Variants in CLTC observed in about 807,000 individuals in gnomAD.
The protein encoded by CLTC is clathrin heavy chain.
Under a neutral mutation model 195.8 loss-of-function variants are expected in CLTC, and 16 were observed. That is an observed-to-expected ratio of 0.08 (90% CI 0.06 to 0.12). The LOEUF is 0.12. CLTC is among the 10% of genes least tolerant of loss of function. The probability of loss-of-function intolerance (pLI) is 1.00; values close to 1 mark genes in which losing one functional copy is unlikely to be tolerated. For missense variants in CLTC, 796 were observed against 2,027.0 expected, an observed-to-expected ratio of 0.39 and a Z score of 11.66; for synonymous variants, 667 against 689.4, an observed-to-expected ratio of 0.97 and a Z score of 0.51.
chr17:59,692,747 C>T (rs1163401275), intron 31 of CLTC, among the ~76,000 whole-genome samples: 1 of 152,086 alleles, frequency 6.6e-6, no homozygotes, highest in Non-Finnish European at 1.5e-5. Flanking sequence ...AGTGATTCTC[C>T]TGCCTCAACC....
Position 59,677,065 on chromosome 17 carries a change from G to C in CLTC, c.2673G>C (p.Glu891Asp). 6.2e-7 allele frequency: 1 copy of C among 1,614,044 alleles called. No individual in the cohort carries two copies. Among genetic ancestry groups the C allele is most frequent in the Non-Finnish European group, 8.5e-7 (1 of 1,179,992 alleles). Reference sequence around the variant, plus strand: ...ACATAGACAGTAATAACAACCCGGAGAGATTTCTTCGTGAAAATCCCTACT... The same window carrying C: ...ACATAGACAGTAATAACAACCCGGACAGATTTCTTCGTGAAAATCCCTACT... ...KIYIDSNNNPERFLRENPYYD... is the reference protein window; with the variant it reads ...KIYIDSNNNPDRFLRENPYYD... Residue 891 changes from glutamate (E) to aspartate (D), a missense_variant, in exon 17 of 32, where the codon GAG (glutamate) becomes GAC (aspartate). Physicochemically the swap from Glu to Asp is conservative, Grantham distance 45. This residue lies in a region of CLTC where 160 missense variants were observed against 448.2 expected (regional missense o/e 0.36). Transcript: ENST00000269122.
rs1202272996 is a variant in CLTC, at chr17:59,674,641, T to A, written c.2419-60T>A. ...AAAGCGATAGAGATAAATGCTTTTTTAAAATTCCTCTTTGCTTTTAATAAC... is the reference window on the plus strand; with the variant it reads ...AAAGCGATAGAGATAAATGCTTTTTAAAAATTCCTCTTTGCTTTTAATAAC... On this transcript the variant is annotated intron_variant, in intron 15 of 31. Transcript: ENST00000269122. 5.5e-6 allele frequency: 8 copies of A among 1,463,986 alleles called. No individual in the cohort carries two copies. In the African/African-American group the frequency reaches 5.8e-5, roughly 11 times the overall value. The allele number at this position is 1,463,986 out of a possible 1,614,324, so 90.7% of individuals were successfully genotyped here.
chr17:59,634,127 T>G (rs1271714308), intron 1 of CLTC, among the ~76,000 whole-genome samples: 1 of 152,156 alleles, frequency 6.6e-6, no homozygotes, highest in African/African-American at 2.4e-5. Flanking sequence ...CAGGCTGGTC[T>G]TGAACACCTG....
At chr17:59,656,117 T>TA (rs2032459343) in intron 6 of CLTC, 90 bp downstream of exon 6, 11 of 1,186,230 alleles carry the variant, frequency 9.3e-6, no homozygotes, top group Middle Eastern at 3.9e-4. Flanking sequence ...CTCCCCAAGA[T>TA]TAAAAAATAG....
intron 2 of CLTC, among the ~76,000 whole-genome samples, chr17:59,647,034 C>T (rs1276953762): frequency 6.6e-6 from 1 of 152,168 alleles, no homozygotes; most frequent in Non-Finnish European, 1.5e-5. Context: ...TGTGTACATG[C>T]AACTAAGTTT....
rs748889015 is a variant in CLTC, at chr17:59,690,730, C to T, written c.4903+19C>T. On this transcript the variant is annotated intron_variant, in intron 31 of 31. Transcript: ENST00000269122. Reference sequence around the variant, plus strand: ...GTTTATGGTAATCTCTCTCTGTAACCTCAAAAAATTCATTAGACAAATATT... The same window carrying T: ...GTTTATGGTAATCTCTCTCTGTAACTTCAAAAAATTCATTAGACAAATATT... 2 of 1,569,772 alleles carry T rather than the reference C, an allele frequency of 1.3e-6. No homozygotes were observed. The highest frequency in any genetic ancestry group is 1.4e-5 in the African/African-American group (1 of 73,760).
chr17:59,664,117 G>A, intron 9 of CLTC, 123 bp downstream of exon 9: 2 of 843,186 alleles, frequency 2.4e-6, no homozygotes, highest in South Asian at 2.0e-5. Context: ...ACTTTGAAAT[G>A]TATAAAAATT....
Position 59,685,920 on chromosome 17 carries a change from G to A in CLTC, c.4827+112G>A, listed in dbSNP as rs903672338. On this transcript the variant is annotated intron_variant, in intron 30 of 31. Transcript: ENST00000269122. The surrounding 1 kb of genome is among the most constrained non-coding windows in gnomAD (Gnocchi z 5.0). ...TTTAGTAGAAGTAAGTCATTTAGTC[G>A]ATCATAAAATATTCCTGTTCTTTTG... 2.4e-6 allele frequency: 2 copies of A among 820,320 alleles called. No individual in the cohort carries two copies. The highest frequency in any genetic ancestry group is 3.7e-6 in the Non-Finnish European group (2 of 538,730). The allele number at this position is 820,320 out of a possible 1,614,324, so 50.8% of individuals were successfully genotyped here. A position where few individuals can be genotyped will look rare whatever the true frequency, so the allele number is the denominator to read the frequency against.
In CLTC at chr17:59,679,407, A is replaced by G. The variant is rs764669330; in HGVS notation, c.2807A>G (p.Glu936Gly). 1 of 1,603,200 alleles carries G rather than the reference A, an allele frequency of 6.2e-7. No individual in the cohort carries two copies. Among genetic ancestry groups the G allele is most frequent in the Non-Finnish European group, 8.5e-7 (1 of 1,174,310 alleles). Residue 936 changes from glutamate to glycine, a missense_variant, in exon 18 of 32, where the codon GAG becomes GGG. Glu to Gly is a moderately conservative substitution (Grantham distance 98, BLOSUM62 -2). Around this residue, in one of 9 missense-constraint regions of CLTC, gnomAD observed 160 missense variants for 448.2 expected, o/e 0.36. Coordinates refer to ENST00000269122, the MANE Select transcript of CLTC (RefSeq NM_004859.4). ...TCATATCTTCTTTAGGTTTGCAATG[A>G]GAATTCCCTCTTCAAAAGTCTTTCT... The part of the protein sequence containing the change: ...CDLELINVCN[E>G]NSLFKSLSRY...
intron 1 of CLTC, among the ~76,000 whole-genome samples, chr17:59,627,816 C>G (rs2031597643): frequency 6.6e-6 from 1 of 152,178 alleles, no homozygotes; most frequent in Admixed American, 6.5e-5. Context: ...TAGACTTTTT[C>G]TTACTGAAAA....
Position 59,693,892 on chromosome 17 carries a change from A to T in CLTC, c.*40A>T. On this transcript the variant is annotated 3_prime_UTR_variant, in exon 32 of 32. Transcript: ENST00000269122. ...CCTGTAGTCACCTATTTTCGTACTG[A>T]AACATCGTCTTTACCCACTTCTCAG... 1.3e-6 allele frequency: 2 copies of T among 1,561,836 alleles called. No individual in the cohort carries two copies. Among genetic ancestry groups the T allele is most frequent in the Non-Finnish European group, 1.7e-6 (2 of 1,152,598 alleles).
Position 59,694,092 on chromosome 17 carries a change from C to A in CLTC, c.*240C>A. On this transcript the variant is annotated 3_prime_UTR_variant, in exon 32 of 32. Coordinates refer to ENST00000269122, the MANE Select transcript of CLTC (RefSeq NM_004859.4). ...AGTTTCAATGTTTTATTCACTTGGG[C>A]TTTTTTTCTTCCCCCTCTTTCTTTA... The A allele has an allele frequency of 3.1e-6, 1 of 326,110 alleles. No homozygotes were observed. The highest frequency in any genetic ancestry group is 5.5e-6 in the Non-Finnish European group (1 of 181,568). 20.2% of individuals were successfully genotyped at this position (326,110 alleles called of 1,614,324 possible).
chr17:59,640,387 C>T (rs1402350906), intron 1 of CLTC, among the ~76,000 whole-genome samples: 5 of 151,192 alleles, frequency 3.3e-5, no homozygotes, highest in African/African-American at 4.9e-5. Context: ...TTAGCCAATA[C>T]GGTCACTTGA....
chr17:59,692,568 G>T (rs1269586295), intron 31 of CLTC, among the ~76,000 whole-genome samples: 2 of 152,224 alleles, frequency 1.3e-5, no homozygotes, highest in Non-Finnish European at 2.9e-5. Context: ...TTATAAGAAA[G>T]AGTGTCAACA....
In CLTC at chr17:59,643,823, C is replaced by T. The variant is rs545556470; in HGVS notation, c.43-453C>T. On this transcript the variant is annotated intron_variant, in intron 1 of 31. Transcript: ENST00000269122. ...TTGTTTGCTCTTGCTATTCAAGTTC[C>T]TTTATTTAGATCAAGAATTCTGTGA... Among the ~76,000 whole-genome samples the T allele has an allele frequency of 2.6e-5, 4 of 152,256 alleles. No homozygotes were observed. In the South Asian group the frequency reaches 8.3e-4, roughly 32 times the overall value.
chr17:59,674,775 C>T lies in CLTC; in HGVS notation c.2493C>T (p.Asn831=). The change falls in exon 16 of 32, where the codon AAC becomes AAT. Residue 831 remains asparagine (N), a synonymous_variant. Transcript: ENST00000269122. ...DVDCSEDVIK[N]LILVVRGQFS... Reference sequence around the variant, plus strand: ...ACTGTTCTGAAGATGTCATAAAAAACTTGATTCTTGTTGTAAGAGGTCAAT... The same window carrying T: ...ACTGTTCTGAAGATGTCATAAAAAATTTGATTCTTGTTGTAAGAGGTCAAT... 1.9e-6 allele frequency: 3 copies of T among 1,613,380 alleles called. No homozygotes were observed. The highest frequency in any genetic ancestry group is 2.5e-6 in the Non-Finnish European group (3 of 1,179,674).
rs141347684 is a variant in CLTC, at chr17:59,681,715, G to A, written c.3318G>A (p.Ala1106=). The A allele has an allele frequency of 1.8e-5, 29 of 1,614,032 alleles. No homozygotes were observed. The highest frequency in any genetic ancestry group is 2.4e-5 in the Non-Finnish European group (28 of 1,179,956). ...TTGCTGAACGTTGCAATGAACCTGC[G>A]GTCTGGAGTCAACTTGCAAAAGCCC... is the stretch of plus-strand genomic sequence containing the variant. The part of the protein sequence containing the change: ...YEFAERCNEP[A]VWSQLAKAQL... Residue 1106 remains alanine (A), a synonymous_variant, in exon 21 of 32, where the codon GCG becomes GCA. Transcript: ENST00000269122. The surrounding 1 kb of genome is among the most constrained non-coding windows in gnomAD (Gnocchi z 5.0).
Position 59,685,068 on chromosome 17 carries a change from T to C in CLTC, c.4447T>C (p.Ser1483Pro). 6.3e-7 allele frequency: 1 copy of C among 1,581,460 alleles called. No individual in the cohort carries two copies. The highest frequency in any genetic ancestry group is 8.6e-7 in the Non-Finnish European group (1 of 1,159,884). ...TTTTTTTTTTAAGGCTCTGCGAACATCAATAGATGCTTATGACAACTTTGA... is the reference window on the plus strand; with the variant it reads ...TTTTTTTTTTAAGGCTCTGCGAACACCAATAGATGCTTATGACAACTTTGA... ...TEEDYQALRT[S>P]IDAYDNFDNI... is the part of the protein sequence containing the mutation. The change falls in exon 29 of 32, where the codon TCA (serine) becomes CCA (proline). Residue 1483 changes from serine to proline, a missense_variant. Around this residue, in one of 9 missense-constraint regions of CLTC, gnomAD observed 148 missense variants for 279.5 expected, o/e 0.53. Transcript: ENST00000269122. This position sits in a 1 kb window ranked among gnomAD's most constrained non-coding sequence, Gnocchi z 5.0.
chr17:59,644,550 G>T lies in CLTC; in HGVS notation c.250+67G>T, dbSNP rs111928644. 12,453 of 1,206,318 alleles carry T rather than the reference G, an allele frequency of 0.01. 412 individuals carry two copies. In the African/African-American group the frequency reaches 0.12, roughly 11 times the overall value. 74.7% of individuals were successfully genotyped at this position (1,206,318 alleles called of 1,614,324 possible). A position where few individuals can be genotyped will look rare whatever the true frequency, so the allele number is the denominator to read the frequency against. ...TTTTGTTTTTTTTTGTTTTTTTTTT[G>T]TTTGTTTGTTTGTTTTTGAGACGGA... On this transcript the variant is annotated intron_variant, in intron 2 of 31. Coordinates refer to ENST00000269122, the MANE Select transcript of CLTC (RefSeq NM_004859.4).
Sources: gnomAD v4.1 joint callset for allele counts (sites outside exome capture counted in the v4.1 genomes callset) on GRCh38, gnomAD v4.1.1 for gene constraint, gnomAD v4.1.1 regional missense constraint, Gnocchi (gnomAD v3.1) non-coding constraint, MANE v1.5 for transcripts, NCBI Gene and HGNC (gene_info 2026-07-23, HGNC 2026-07-21) for gene names.